The following PTPRD variants were observed in gnomAD, a reference collection of about 807,000 sequenced individuals.
PTPRD encodes the protein receptor-type tyrosine-protein phosphatase delta.
PTPRD carries 34 observed loss-of-function variants against 214.5 expected under a neutral mutation model. The ratio of observed to expected loss-of-function variants is 0.16; its 90% CI spans 0.12 to 0.21. The LOEUF (loss-of-function observed/expected upper bound fraction) is 0.21, where lower values mean the gene tolerates loss of function less well. Among genes scored for constraint, PTPRD ranks in the 10% least tolerant of loss-of-function variants. The pLI is 1.00. For missense variants in PTPRD, 2,545 were observed against 2,398.7 expected (o/e 1.06, Z -1.27); for synonymous variants, 1,128 against 845.7 (o/e 1.33, Z -5.79).
intron 4 of PTPRD, among the ~76,000 whole-genome samples, chr9:9,964,668 C>T (rs558828974): frequency 6.6e-6 from 1 of 152,200 alleles, no homozygotes; most frequent in East Asian, 1.9e-4. Flanking sequence ...AGTTTATAAG[C>T]CTATTCAAAC....
At chr9:9,799,129 T>C (rs1471764855) in intron 5 of PTPRD, among the ~76,000 whole-genome samples, 1 of 152,164 alleles carries the variant, frequency 6.6e-6, no homozygotes. Flanking sequence ...TCCCTCCAAT[T>C]TATATATTTT....
chr9:8,537,108 G>A (rs1401472980), intron 14 of PTPRD, among the ~76,000 whole-genome samples: 1 of 151,888 alleles, frequency 6.6e-6, no homozygotes, highest in Non-Finnish European at 1.5e-5. Flanking sequence ...GTACTGTGTT[G>A]ACATCATGAC....
intron 5 of PTPRD, among the ~76,000 whole-genome samples, chr9:9,913,938 A>G (rs1566251363): frequency 6.6e-6 from 1 of 152,208 alleles, no homozygotes. Flanking sequence ...ACAGGGCACC[A>G]TCTTCATTAT....
chr9:9,474,268 A>C (rs1289996190), intron 8 of PTPRD, among the ~76,000 whole-genome samples: 2 of 152,038 alleles, frequency 1.3e-5, no homozygotes, highest in South Asian at 4.1e-4. Context: ...TGGCTGCAAT[A>C]GGTAAATTAA....
intron 11 of PTPRD, among the ~76,000 whole-genome samples, chr9:8,818,797 T>A (rs560711684): frequency 6.6e-6 from 1 of 152,360 alleles, no homozygotes; most frequent in Admixed American, 6.5e-5. Context: ...GTAATCACGA[T>A]TTTGAATTTC....
chr9:9,548,558 C>CT (rs1329210631), intron 8 of PTPRD, among the ~76,000 whole-genome samples: 1 of 151,876 alleles, frequency 6.6e-6, no homozygotes, highest in Admixed American at 6.6e-5. Context: ...GCCACCATGC[C>CT]TGGCTAATTT....
chr9:9,789,429 C>T (rs747215336), intron 5 of PTPRD, among the ~76,000 whole-genome samples: 1 of 152,122 alleles, frequency 6.6e-6, no homozygotes, highest in Non-Finnish European at 1.5e-5. Flanking sequence ...TTTTATTCTG[C>T]ACTATTTTTC....
intron 7 of PTPRD, among the ~76,000 whole-genome samples, chr9:9,602,689 T>C (rs1318036341): frequency 1.3e-5 from 2 of 152,076 alleles, no homozygotes. Context: ...TGGAGTCATA[T>C]TTCACATGTT....
intron 8 of PTPRD, among the ~76,000 whole-genome samples, chr9:9,506,941 G>A (rs1403861686): frequency 6.6e-6 from 1 of 151,346 alleles, no homozygotes; most frequent in Non-Finnish European, 1.5e-5. Context: ...AAGTAACCCA[G>A]TAATTCTATT....
chr9:9,694,068 A>G (rs569545096), intron 7 of PTPRD, among the ~76,000 whole-genome samples: 3 of 152,314 alleles, frequency 2.0e-5, no homozygotes, highest in Admixed American at 2.0e-4. Flanking sequence ...CTCAAAGGTT[A>G]TATAGCTCTG....
At chr9:9,933,674 CAG>C (rs2087825666) in intron 5 of PTPRD, among the ~76,000 whole-genome samples, 1 of 146,676 alleles carries the variant, frequency 6.8e-6, no homozygotes, top group Non-Finnish European at 1.5e-5. Context: ...ATCAACCAGA[CAG>C]AAAGTCAACA....
At chr9:9,104,835 C>A (rs1302303066) in intron 10 of PTPRD, among the ~76,000 whole-genome samples, 1 of 152,104 alleles carries the variant, frequency 6.6e-6, no homozygotes, top group Non-Finnish European at 1.5e-5. Context: ...GGGAGTTCGA[C>A]GTGATTCCTG....
chr9:9,606,351 T>A (rs2094152163), intron 7 of PTPRD, among the ~76,000 whole-genome samples: 1 of 152,092 alleles, frequency 6.6e-6, no homozygotes, highest in Non-Finnish European at 1.5e-5. Context: ...ATTAGCTTGG[T>A]CTTAAAACAA....
At chr9:8,532,342 T>C (rs977359864) in intron 14 of PTPRD, among the ~76,000 whole-genome samples, 4 of 152,060 alleles carry the variant, frequency 2.6e-5, no homozygotes, top group Admixed American at 2.6e-4. Flanking sequence ...AAGACGTTAA[T>C]TGCTTTTTTC....
chr9:9,228,959 GCA>G (rs1224382118), intron 9 of PTPRD, among the ~76,000 whole-genome samples: 4 of 152,062 alleles, frequency 2.6e-5, no homozygotes, highest in Middle Eastern at 3.2e-3. Flanking sequence ...TACAGGGAGA[GCA>G]CAAAGGCTTA....
At chr9:8,999,917 G>C (rs1450138636) in intron 11 of PTPRD, among the ~76,000 whole-genome samples, 1 of 151,992 alleles carries the variant, frequency 6.6e-6, no homozygotes. Flanking sequence ...TTTTCTAAAA[G>C]CCTGGCTAAA....
At chr9:8,589,130 A>C (rs1422706909) in intron 14 of PTPRD, among the ~76,000 whole-genome samples, 1 of 152,214 alleles carries the variant, frequency 6.6e-6, no homozygotes, top group African/African-American at 2.4e-5. Context: ...GCGCAAAGGA[A>C]AATGTTGCAA....
At chr9:9,333,227 G>C (rs1347106535) in intron 9 of PTPRD, among the ~76,000 whole-genome samples, 2 of 151,654 alleles carry the variant, frequency 1.3e-5, no homozygotes, top group Non-Finnish European at 2.9e-5. Context: ...AATAAGAAAA[G>C]GCTTTGTAGG....
At chr9:9,570,639 A>G (rs2086079448) in intron 8 of PTPRD, among the ~76,000 whole-genome samples, 1 of 151,600 alleles carries the variant, frequency 6.6e-6, no homozygotes, top group Non-Finnish European at 1.5e-5. Context: ...AATCTTCAAG[A>G]CAGCTATTTG....
Sources: allele counts gnomAD v4.1 joint callset (sites outside exome capture counted in the v4.1 genomes callset), GRCh38; gene constraint gnomAD v4.1.1; transcripts MANE v1.5; gene names NCBI Gene and HGNC (gene_info 2026-07-23, HGNC 2026-07-21).